STK24: variants seen among roughly 807,000 people sequenced by gnomAD.
STK24 encodes the protein serine/threonine kinase 24, also known as serine/threonine-protein kinase 24.
A neutral mutation model predicts 55.6 loss-of-function variants in STK24; 21 were observed. The ratio of observed to expected loss-of-function variants is 0.38; its 90% confidence interval spans 0.27 to 0.54. The LOEUF is 0.54. Ranked by LOEUF, STK24 falls within the 20% of genes least tolerant of loss-of-function variation. STK24 has a pLI of 0.79. For synonymous variants in STK24, 200 were observed against 215.2 expected (o/e 0.93, Z 0.62); for missense variants, 383 against 538.4 (o/e 0.71, Z 2.86).
chr13:98,501,595 A>G (rs1194640828), intron 2 of STK24, among the ~76,000 whole-genome samples: 2 of 152,238 alleles, frequency 1.3e-5, no homozygotes, highest in Non-Finnish European at 2.9e-5. Flanking sequence ...ACAATTCAAG[A>G]TAGGTTATCT....
At chr13:98,519,552 G>A in intron 1 of STK24, 79 bp from the exon 2 acceptor site, 2 of 1,099,932 alleles carry the variant, frequency 1.8e-6, no homozygotes, top group African/African-American at 1.6e-5. Context: ...TATGTGTAAT[G>A]TTATAGACCA....
chr13:98,557,181 G>C lies in STK24; in HGVS notation c.42+19564C>G, dbSNP rs79690361. On this transcript the variant is annotated intron_variant, in intron 1 of 10. Transcript: ENST00000539966. Reference sequence around the variant, plus strand: ...GCTACTCCCTCTTCAATCACCCTCTGTATAGTGATAACAGCCGTCCCATGT... The same window carrying C: ...GCTACTCCCTCTTCAATCACCCTCTCTATAGTGATAACAGCCGTCCCATGT... Among the ~76,000 whole-genome samples, 1,024 of 152,256 alleles carry C rather than the reference G, an allele frequency of 6.7e-3. 2 individuals carry two copies. Among genetic ancestry groups the C allele is most frequent in the Non-Finnish European group, 0.012 (842 of 68,020 alleles).
intron 3 of STK24, among the ~76,000 whole-genome samples, chr13:98,480,223 T>C (rs1429614996): frequency 6.6e-6 from 1 of 152,276 alleles, no homozygotes; most frequent in Non-Finnish European, 1.5e-5. Context: ...TTTCACAGAC[T>C]GCAATTCAAA....
intron 6 of STK24, among the ~76,000 whole-genome samples, chr13:98,464,206 A>T (rs1250672357): frequency 6.6e-6 from 1 of 152,062 alleles, no homozygotes; most frequent in African/African-American, 2.4e-5. Flanking sequence ...TCACGAGGTC[A>T]GGAGATCGAG....
rs1203642464 is a variant in STK24 at position 98,542,395 on chromosome 13, C to CA, written c.43-22923dup. Among the ~76,000 whole-genome samples, 122 of 150,506 alleles carry CA rather than the reference C, an allele frequency of 8.1e-4. 2 individuals carry two copies. Among genetic ancestry groups the CA allele is most frequent in the Middle Eastern group, 3.4e-3 (1 of 292 alleles). ...TCCTATGCACAAACAACAACAACAA[C>CA]AACAAAAAAAACGGCCAATTGGTAG... On this transcript the variant is annotated intron_variant, in intron 1 of 10. Transcript: ENST00000539966.
chr13:98,479,323 A>T (rs367652928), intron 3 of STK24, among the ~76,000 whole-genome samples: 18 of 152,272 alleles, frequency 1.2e-4, no homozygotes, highest in East Asian at 9.6e-4. Context: ...CTGAGCACAC[A>T]CTCAAATATG....
chr13:98,523,637 G>A (rs147490229), intron 1 of STK24, among the ~76,000 whole-genome samples: 25 of 152,270 alleles, frequency 1.6e-4, no homozygotes, highest in African/African-American at 5.3e-4. Context: ...CCACTTCCTC[G>A]ACGCCAGCTG....
intron 1 of STK24, among the ~76,000 whole-genome samples, chr13:98,542,488 G>A (rs550906761): frequency 6.6e-6 from 1 of 152,128 alleles, no homozygotes; most frequent in Admixed American, 6.5e-5. Context: ...TCAAACTCCA[G>A]GGTCAACTCA....
intron 1 of STK24, among the ~76,000 whole-genome samples, chr13:98,530,867 G>A (rs909253139): frequency 2.6e-5 from 4 of 152,138 alleles, no homozygotes; most frequent in Admixed American, 1.3e-4. Flanking sequence ...CAATTTTGGA[G>A]ACATTTTTGG....
At chr13:98,498,348 C>A (rs1184260730) in intron 2 of STK24, among the ~76,000 whole-genome samples, 1 of 152,232 alleles carries the variant, frequency 6.6e-6, no homozygotes, top group East Asian at 1.9e-4. Flanking sequence ...TCAAGCACTG[C>A]ATCAAATCAT....
At chr13:98,458,877 A>T (rs1417190889) in intron 9 of STK24, among the ~76,000 whole-genome samples, 1 of 152,224 alleles carries the variant, frequency 6.6e-6, no homozygotes, top group East Asian at 1.9e-4. Flanking sequence ...CTGGGCTTCT[A>T]CAAGTATTGT....
chr13:98,466,650 T>C, intron 5 of STK24, 89 bp from the exon 6 acceptor site: 2 of 1,408,376 alleles, frequency 1.4e-6, no homozygotes, highest in Non-Finnish European at 9.6e-7. Flanking sequence ...CATGTCTCAA[T>C]ACTTCTGAGG....
chr13:98,469,991 C>T (rs1894081207), intron 5 of STK24, among the ~76,000 whole-genome samples: 1 of 152,182 alleles, frequency 6.6e-6, no homozygotes, highest in Admixed American at 6.5e-5. Context: ...TCAACAGCAG[C>T]ATTACTTATG....
chr13:98,510,583 T>C (rs1346194033), intron 2 of STK24, among the ~76,000 whole-genome samples: 4 of 152,226 alleles, frequency 2.6e-5, no homozygotes, highest in East Asian at 1.9e-4. Flanking sequence ...GAATGGAACA[T>C]TATTCAGCAA....
At chr13:98,487,904 G>A (rs189766530) in intron 2 of STK24, among the ~76,000 whole-genome samples, 191 of 152,224 alleles carry the variant, frequency 1.3e-3, no homozygotes, top group Non-Finnish European at 2.1e-3. Flanking sequence ...CCCATATATG[G>A]CCTCAGCAGT....
chr13:98,575,404 T>TACACACAC (rs143143374), intron 1 of STK24, among the ~76,000 whole-genome samples: 248 of 146,836 alleles, frequency 1.7e-3, no homozygotes, highest in African/African-American at 3.9e-3. Context: ...ACTGCTTATA[T>TACACACAC]ATACACACAC....
intron 1 of STK24, among the ~76,000 whole-genome samples, chr13:98,569,426 A>C (rs78035963): frequency 5.2e-4 from 62 of 118,448 alleles, no homozygotes; most frequent in East Asian, 2.3e-3. Context: ...AAAAAAAAAA[A>C]CAAAAAAAAA....
intron 1 of STK24, among the ~76,000 whole-genome samples, chr13:98,555,014 CAAAAAAAA>C (rs398024117): frequency 1.1e-5 from 1 of 88,342 alleles, no homozygotes; most frequent in African/African-American, 4.3e-5. Context: ...GACTCCAACT[CAAAAAAAA>C]AAAAAAAAAA....
In STK24 at chr13:98,448,145, C is replaced by CTTCACCTTGTGTTTCTGTA; in HGVS notation, c.*5009_*5027dup. ...GCAGATTACCAACCAGGCGGCCTGACTTCACCTTGTGTTTCTGTAAGCGAT... is the reference window on the plus strand; with the variant it reads ...GCAGATTACCAACCAGGCGGCCTGACTTCACCTTGTGTTTCTGTATTCACCTTGTGTTTCTGTAAGCGAT... On this transcript the variant is annotated 3_prime_UTR_variant, in exon 11 of 11. Transcript: ENST00000539966. 8.8e-7 allele frequency: 1 copy of CTTCACCTTGTGTTTCTGTA among 1,133,654 alleles called. No individual in the cohort carries two copies. Among genetic ancestry groups the CTTCACCTTGTGTTTCTGTA allele is most frequent in the Non-Finnish European group, 1.3e-6 (1 of 746,440 alleles). 70.2% of individuals were successfully genotyped at this position (1,133,654 alleles called of 1,614,324 possible).
Sources: allele counts gnomAD v4.1 joint callset (sites outside exome capture counted in the v4.1 genomes callset), GRCh38; gene constraint gnomAD v4.1.1; transcripts MANE v1.5; gene names NCBI Gene and HGNC (gene_info 2026-07-23, HGNC 2026-07-21).